Variants in CHD9 observed in about 807,000 individuals in gnomAD.
CHD9 encodes chromodomain helicase DNA binding protein 9, also known as ATP-dependent chromatin remodeler CHD9.
Under a neutral mutation model 316.1 loss-of-function variants are expected in CHD9, and 77 were observed. The ratio of observed to expected loss-of-function variants is 0.24; its 90% confidence interval spans 0.20 to 0.29. The LOEUF (loss-of-function observed/expected upper bound fraction) is 0.29, where lower values mean the gene tolerates loss of function less well. Ranked by LOEUF, CHD9 falls within the 10% of genes least tolerant of loss-of-function variation. CHD9 has a pLI of 1.00. For synonymous variants in CHD9, 1,129 were observed against 1,158.3 expected, an observed-to-expected ratio of 0.97 and a Z score of 0.51; for missense variants, 2,763 against 3,438.1, an observed-to-expected ratio of 0.80 and a Z score of 4.91.
At chr16:53,089,536 C>T (rs2035758992) in intron 1 of CHD9, among the ~76,000 whole-genome samples, 1 of 152,186 alleles carries the variant, frequency 6.6e-6, no homozygotes, top group Admixed American at 6.5e-5. Flanking sequence ...CCCATTTTTA[C>T]AGATGAGGAA....
chr16:53,261,740 T>C (rs2051150064), intron 19 of CHD9, among the ~76,000 whole-genome samples: 1 of 152,206 alleles, frequency 6.6e-6, no homozygotes, highest in Non-Finnish European at 1.5e-5. Flanking sequence ...CAACTCATGC[T>C]AAACTTGTTT....
At position 53,151,647 on chromosome 16, in the gene CHD9, C is replaced by T. The variant is rs185890222; in HGVS notation, c.-164-4279C>T. ...AAGTCTTCAAGTTTGCTGATTATTT[C>T]TTCGGTTTGCTCAAATCTCCTGTTG... is the stretch of plus-strand genomic sequence containing the variant. On this transcript the variant is annotated intron_variant, in intron 1 of 38. Transcript: ENST00000447540. Among the ~76,000 whole-genome samples, 745 of 152,234 alleles carry T rather than the reference C, an allele frequency of 4.9e-3. 2 individuals are homozygous for T. Among genetic ancestry groups the T allele is most frequent in the Non-Finnish European group, 7.1e-3 (483 of 68,016 alleles).
At position 53,226,817 on chromosome 16, in the gene CHD9, A is replaced by T. The variant is rs547049647; in HGVS notation, c.2043+305A>T. Among the ~76,000 whole-genome samples, 22 of 152,328 alleles carry T rather than the reference A, an allele frequency of 1.4e-4. No homozygotes were observed. The South Asian group carries it at 1.5e-3, about 10-fold the overall frequency. On this transcript the variant is annotated intron_variant, in intron 5 of 38. Transcript: ENST00000447540. The stretch of plus-strand genomic sequence containing the variant: ...TTTAATCATATTATTTTTCTACTGA[A>T]AACTCCTCTAATAGTTTCCTAAACC...
intron 1 of CHD9, among the ~76,000 whole-genome samples, chr16:53,090,067 A>G (rs1222312239): frequency 6.6e-6 from 1 of 152,230 alleles, no homozygotes; most frequent in African/African-American, 2.4e-5. Flanking sequence ...AGAATCCCCC[A>G]GTCAAATGAG....
chr16:53,084,900 A>G (rs564314617), intron 1 of CHD9, among the ~76,000 whole-genome samples: 1 of 152,162 alleles, frequency 6.6e-6, no homozygotes, highest in South Asian at 2.1e-4. Flanking sequence ...CACACCCTCT[A>G]CCATACTGCA....
chr16:53,160,846 G>A (rs2041857155), intron 2 of CHD9, among the ~76,000 whole-genome samples: 1 of 152,212 alleles, frequency 6.6e-6, no homozygotes, highest in South Asian at 2.1e-4. Flanking sequence ...GGCTGAGGTT[G>A]TGATGAGCCA....
intron 3 of CHD9, among the ~76,000 whole-genome samples, chr16:53,217,683 T>TTTAGATTTATTATAGATTTA (rs2046872214): frequency 6.6e-6 from 1 of 152,238 alleles, no homozygotes; most frequent in Admixed American, 6.5e-5. Context: ...TATAATAAAT[T>TTTAGATTTATTATAGATTTA]GGTAAGGTTT....
At chr16:53,144,785 A>G (rs2040429038) in intron 1 of CHD9, among the ~76,000 whole-genome samples, 1 of 151,978 alleles carries the variant, frequency 6.6e-6, no homozygotes. Context: ...CAGCCTCCCA[A>G]AGTGCTGGGA....
At chr16:53,204,619 A>G (rs141008563) in intron 2 of CHD9, among the ~76,000 whole-genome samples, 18 of 152,118 alleles carry the variant, frequency 1.2e-4, no homozygotes, top group African/African-American at 3.6e-4. Context: ...ATGACTTGCT[A>G]TTAGGTCATG....
At chr16:53,059,936 A>G (rs2032657031) in intron 1 of CHD9, among the ~76,000 whole-genome samples, 1 of 152,252 alleles carries the variant, frequency 6.6e-6, no homozygotes, top group Non-Finnish European at 1.5e-5. Flanking sequence ...TATGTAAACA[A>G]ATGAGTATAT....
At chr16:53,254,705 A>G in intron 18 of CHD9, 100 bp downstream of exon 18, 1 of 1,050,784 alleles carries the variant, frequency 9.5e-7, no homozygotes, top group South Asian at 2.4e-5. Flanking sequence ...GCAGAATACT[A>G]AACACATTTG....
At chr16:53,191,938 T>TTTTAAATTTAGCCA (rs1241926341) in intron 2 of CHD9, among the ~76,000 whole-genome samples, 1 of 152,130 alleles carries the variant, frequency 6.6e-6, no homozygotes, top group Non-Finnish European at 1.5e-5. Flanking sequence ...TTGTCAGTCT[T>TTTTAAATTTAGCCA]TTTAAATTTA....
In CHD9 at chr16:53,273,631, T is replaced by G; in HGVS notation, c.4723T>G (p.Ser1575Ala). The G allele has an allele frequency of 6.3e-7, 1 of 1,597,308 alleles. No homozygotes were observed. The highest frequency in any genetic ancestry group is 8.5e-7 in the Non-Finnish European group (1 of 1,172,610). Residue 1575 changes from serine (S) to alanine (A), a missense_variant, in exon 23 of 39, where the codon TCA (serine) becomes GCA (alanine). Ser to Ala is a moderately conservative substitution (Grantham distance 99, BLOSUM62 1). Transcript: ENST00000447540. ...TRELQNHLGL[S>A]APVPRGRKGK... ...ATATGTCCTTATTTTAACAGGCCTA[T>G]CAGCTCCTGTACCCAGGGGTCGAAA...
chr16:53,140,618 C>T (rs777140576), intron 1 of CHD9, among the ~76,000 whole-genome samples: 1 of 152,122 alleles, frequency 6.6e-6, no homozygotes, highest in Non-Finnish European at 1.5e-5. Context: ...GACAGAGTCT[C>T]GCTCATCTCC....
At chr16:53,241,615 AGTT>A (rs1251339736) in intron 12 of CHD9, among the ~76,000 whole-genome samples, 2 of 152,218 alleles carry the variant, frequency 1.3e-5, no homozygotes, top group African/African-American at 4.8e-5. Flanking sequence ...ATGAACTTCC[AGTT>A]GTTCAAGCTA....
intron 19 of CHD9, among the ~76,000 whole-genome samples, chr16:53,256,655 T>A (rs1479177442): frequency 1.3e-5 from 2 of 151,478 alleles, no homozygotes; most frequent in African/African-American, 4.8e-5. Context: ...TCCTTTTTTT[T>A]TTTTTTCCAA....
chr16:53,194,286 T>G (rs1017636695), intron 2 of CHD9, among the ~76,000 whole-genome samples: 1 of 151,192 alleles, frequency 6.6e-6, no homozygotes, highest in Non-Finnish European at 1.5e-5. Flanking sequence ...GAATATAAAG[T>G]AAACCCCGAG....
rs370591122 is a variant in CHD9 at position 53,057,886 on chromosome 16, G to T, written c.-165+2809G>T. Among the ~76,000 whole-genome samples, 7 of 152,154 alleles carry T rather than the reference G, an allele frequency of 4.6e-5. 1 individual carries two copies. The highest frequency in any genetic ancestry group is 2.0e-4 in the Admixed American group (3 of 15,296). ...TGGTGTACTTAGTGCCACATTTTTT[G>T]CATGTTTGTGTGTTTTTGTTTGTGA... On this transcript the variant is annotated intron_variant, in intron 1 of 38. Transcript: ENST00000447540.
chr16:53,321,286 T>C (rs994055015), intron 37 of CHD9: 1 of 1,353,450 alleles, frequency 7.4e-7, no homozygotes, highest in African/African-American at 1.5e-5. Flanking sequence ...TAGTTATTCA[T>C]TTTACTGTTC....
Sources: allele counts gnomAD v4.1 joint callset (sites outside exome capture counted in the v4.1 genomes callset), GRCh38; gene constraint gnomAD v4.1.1; transcripts MANE v1.5; gene names NCBI Gene and HGNC (gene_info 2026-07-23, HGNC 2026-07-21).